PTPRD: variants seen among roughly 807,000 people sequenced by gnomAD.
The protein encoded by PTPRD is protein tyrosine phosphatase receptor type D, also known as receptor-type tyrosine-protein phosphatase delta.
PTPRD carries 34 observed loss-of-function variants against 214.5 expected under a neutral mutation model. That is an observed-to-expected ratio of 0.16 (90% CI 0.12 to 0.21). The LOEUF is 0.21. Among genes scored for constraint, PTPRD ranks in the 10% least tolerant of loss-of-function variants. The pLI, the probability that PTPRD is intolerant of heterozygous loss-of-function variation, is 1.00. For missense variants in PTPRD, 2,545 were observed against 2,398.7 expected, an observed-to-expected ratio of 1.06 and a Z score of -1.27; for synonymous variants, 1,128 against 845.7, an observed-to-expected ratio of 1.33 and a Z score of -5.79.
At chr9:9,988,895 T>C (rs756357305) in intron 4 of PTPRD, among the ~76,000 whole-genome samples, 1 of 151,582 alleles carries the variant, frequency 6.6e-6, no homozygotes, top group Non-Finnish European at 1.5e-5. Flanking sequence ...CTTTGAAATC[T>C]AGAGAAATAA....
intron 10 of PTPRD, among the ~76,000 whole-genome samples, chr9:9,057,860 G>A (rs1328146214): frequency 1.3e-5 from 2 of 151,882 alleles, no homozygotes; most frequent in Admixed American, 6.6e-5. Flanking sequence ...TGCAAAGAAT[G>A]GAAAATAATT....
At chr9:10,119,351 T>A (rs1230760772) in intron 3 of PTPRD, among the ~76,000 whole-genome samples, 2 of 152,020 alleles carry the variant, frequency 1.3e-5, no homozygotes, top group Admixed American at 1.3e-4. Flanking sequence ...TCCATAGTGT[T>A]TGCCTTCTAT....
At position 8,730,228 on chromosome 9, in the gene PTPRD, C is replaced by A. The variant is rs187452456; in HGVS notation, c.64+3552G>T. Among the ~76,000 whole-genome samples, 321 of 152,138 alleles carry A rather than the reference C, an allele frequency of 2.1e-3. 2 individuals carry two copies. The highest frequency in any genetic ancestry group is 7.6e-3 in the African/African-American group (315 of 41,490). ...CCGAGATCGCGCCACTGCACTCCAG[C>A]CTAGGCGACTGAGCGAGACTCTGTC... On this transcript the variant is annotated intron_variant, in intron 12 of 45. Coordinates refer to ENST00000381196, the MANE Select transcript of PTPRD (RefSeq NM_002839.4).
intron 11 of PTPRD, among the ~76,000 whole-genome samples, chr9:8,789,606 C>T (rs966474470): frequency 2.0e-5 from 3 of 152,084 alleles, no homozygotes; most frequent in Non-Finnish European, 4.4e-5. Flanking sequence ...TGCCACTGGG[C>T]ATTTAAGAGG....
intron 11 of PTPRD, among the ~76,000 whole-genome samples, chr9:8,901,089 G>C (rs1285174158): frequency 6.6e-6 from 1 of 152,166 alleles, no homozygotes; most frequent in Non-Finnish European, 1.5e-5. Context: ...CATTTGAACA[G>C]TTACTAAGAA....
intron 12 of PTPRD, among the ~76,000 whole-genome samples, chr9:8,718,269 C>T (rs1264731278): frequency 6.6e-6 from 1 of 152,118 alleles, no homozygotes; most frequent in African/African-American, 2.4e-5. Flanking sequence ...ATTCCCTGCC[C>T]AGTAGGGGTG....
chr9:9,174,139 C>T (rs548260056), intron 10 of PTPRD, among the ~76,000 whole-genome samples: 1 of 151,968 alleles, frequency 6.6e-6, no homozygotes, highest in African/African-American at 2.4e-5. Flanking sequence ...TACAGCCCCC[C>T]CAAATAAAAC....
chr9:10,081,901 C>T (rs1411807365), intron 3 of PTPRD, among the ~76,000 whole-genome samples: 1 of 151,928 alleles, frequency 6.6e-6, no homozygotes, highest in Admixed American at 6.6e-5. Flanking sequence ...CTCATCTGAT[C>T]ATTTACAGCA....
intron 21 of PTPRD, among the ~76,000 whole-genome samples, chr9:8,512,764 G>A (rs951048594): frequency 6.6e-6 from 1 of 152,044 alleles, no homozygotes; most frequent in East Asian, 1.9e-4. Context: ...GTAATTAGAG[G>A]TCAGACATGC....
At chr9:10,195,568 C>T (rs1185096760) in intron 3 of PTPRD, among the ~76,000 whole-genome samples, 8 of 152,252 alleles carry the variant, frequency 5.3e-5, no homozygotes, top group South Asian at 4.1e-4. Flanking sequence ...ATAGGCCAGA[C>T]GCCGTGGCTC....
chr9:10,190,643 G>A (rs1172458845), intron 3 of PTPRD, among the ~76,000 whole-genome samples: 7 of 146,340 alleles, frequency 4.8e-5, no homozygotes, highest in Admixed American at 3.5e-4. Context: ...GCTTGAACCT[G>A]GAAGGCAGAA....
intron 42 of PTPRD, among the ~76,000 whole-genome samples, chr9:8,340,071 T>G (rs983687926): frequency 6.6e-6 from 1 of 152,092 alleles, no homozygotes; most frequent in Non-Finnish European, 1.5e-5. Context: ...AAGTCCGACA[T>G]AAGTCAAACG....
intron 5 of PTPRD, among the ~76,000 whole-genome samples, chr9:9,904,720 T>C (rs965310328): frequency 2.0e-5 from 3 of 152,016 alleles, no homozygotes; most frequent in Non-Finnish European, 4.4e-5. Context: ...AGACAGAGAA[T>C]AAAGCTTAAA....
intron 5 of PTPRD, among the ~76,000 whole-genome samples, chr9:9,796,069 T>C (rs2099000594): frequency 6.6e-6 from 1 of 152,152 alleles, no homozygotes. Context: ...GTTTTTTTAA[T>C]ATGCAATTTA....
At chr9:10,444,746 A>G (rs868713568) in intron 2 of PTPRD, among the ~76,000 whole-genome samples, 1 of 151,978 alleles carries the variant, frequency 6.6e-6, no homozygotes, top group Admixed American at 6.6e-5. Context: ...TTTAAATACA[A>G]TAAAGTGTAA....
At chr9:10,499,355 G>C (rs932480339) in intron 2 of PTPRD, among the ~76,000 whole-genome samples, 1 of 151,800 alleles carries the variant, frequency 6.6e-6, no homozygotes, top group Admixed American at 6.6e-5. Context: ...TACTAAACTC[G>C]ATAGATTATT....
At chr9:10,080,572 A>C (rs931397855) in intron 3 of PTPRD, among the ~76,000 whole-genome samples, 1 of 152,158 alleles carries the variant, frequency 6.6e-6, no homozygotes, top group African/African-American at 2.4e-5. Flanking sequence ...TATTTATTTG[A>C]AACCATTAAG....
rs939928173 is a variant in PTPRD, at chr9:10,440,801, T to C, written c.-599-99784A>G. 4.0e-5 allele frequency among the ~76,000 whole-genome samples: 6 copies of C among 151,720 alleles called. No individual in the cohort carries two copies. The South Asian group carries it at 1.0e-3, about 26-fold the overall frequency. On this transcript the variant is annotated intron_variant, in intron 2 of 45. Transcript: ENST00000381196. ...TATTAAGGTTGTAGAGGAACACAAA[T>C]CCTGTCTGGATCCATTTACTTCAAC... is the stretch of plus-strand genomic sequence containing the variant.
At chr9:9,937,834 T>C (rs2090106758) in intron 5 of PTPRD, among the ~76,000 whole-genome samples, 1 of 152,200 alleles carries the variant, frequency 6.6e-6, no homozygotes, top group African/African-American at 2.4e-5. Flanking sequence ...ATACATATAT[T>C]TCATTCCCTA....
Sources: allele counts gnomAD v4.1 joint callset (sites outside exome capture counted in the v4.1 genomes callset), GRCh38; gene constraint gnomAD v4.1.1; transcripts MANE v1.5; gene names NCBI Gene and HGNC (gene_info 2026-07-23, HGNC 2026-07-21).